RASSF4: variants seen among roughly 807,000 people sequenced by gnomAD.
RASSF4 encodes the protein Ras association domain family member 4.
RASSF4 carries 38 observed loss-of-function variants against 41.1 expected under a neutral mutation model. That is an observed-to-expected ratio of 0.92 (90% CI 0.71 to 1.21). The LOEUF is 1.21. RASSF4 is among the 50% of genes most tolerant of loss of function. The probability of loss-of-function intolerance (pLI) is 0.00; values close to 1 mark genes in which losing one functional copy is unlikely to be tolerated. For missense variants in RASSF4, 414 were observed against 419.4 expected, an observed-to-expected ratio of 0.99 and a Z score of 0.11; for synonymous variants, 179 against 163.4, an observed-to-expected ratio of 1.10 and a Z score of -0.73.
chr10:44,979,736 AG>A (rs773523373), intron 3 of RASSF4, among the ~76,000 whole-genome samples: 2 of 151,966 alleles, frequency 1.3e-5, no homozygotes, highest in African/African-American at 4.8e-5. Flanking sequence ...CCCATGTAGG[AG>A]GGGGTCAGTG....
intron 1 of RASSF4, among the ~76,000 whole-genome samples, chr10:44,964,874 T>G (rs1840843881): frequency 6.6e-6 from 1 of 152,024 alleles, no homozygotes; most frequent in Admixed American, 6.5e-5. Context: ...AACGATTAAA[T>G]TCATCAAAAT....
intron 1 of RASSF4, among the ~76,000 whole-genome samples, chr10:44,968,788 T>C (rs1841010842): frequency 6.6e-6 from 1 of 152,118 alleles, no homozygotes; most frequent in Admixed American, 6.5e-5. Context: ...GAAGACATGA[T>C]GGGTTTGTGT....
chr10:44,965,820 G>A (rs1293378798), intron 1 of RASSF4, among the ~76,000 whole-genome samples: 1 of 152,190 alleles, frequency 6.6e-6, no homozygotes, highest in Non-Finnish European at 1.5e-5. Flanking sequence ...TGCAGCCTAG[G>A]ACTCTCCTTT....
rs1179692953 is a variant in RASSF4 at position 44,982,503 on chromosome 10, A to G, written c.139-18A>G. 1 of 1,609,296 alleles carries G rather than the reference A, an allele frequency of 6.2e-7. No individual in the cohort carries two copies. Among genetic ancestry groups the G allele is most frequent in the South Asian group, 1.1e-5 (1 of 90,634 alleles). ...GGCAGCTGCTCTGGGGGAAGGGCTG[A>G]TGTGTGGACCCCCACAGGAAGAAGG... On this transcript the variant is annotated intron_variant, in intron 3 of 10. Coordinates refer to ENST00000340258, the MANE Select transcript of RASSF4 (RefSeq NM_032023.4).
chr10:44,977,948 C>G (rs1278815512), intron 3 of RASSF4: 2 of 1,611,854 alleles, frequency 1.2e-6, no homozygotes, highest in Non-Finnish European at 8.5e-7. Flanking sequence ...GGGCTCCTGT[C>G]CAGGACCCCC....
In RASSF4 at chr10:44,969,206, A is replaced by T. The variant is rs187678015; in HGVS notation, c.-38-959A>T. Among the ~76,000 whole-genome samples, 19 of 152,144 alleles carry T rather than the reference A, an allele frequency of 1.2e-4. No individual in the cohort carries two copies. In the East Asian group the frequency reaches 3.3e-3, roughly 26 times the overall value. On this transcript the variant is annotated intron_variant, in intron 1 of 10. Coordinates refer to ENST00000340258, the MANE Select transcript of RASSF4 (RefSeq NM_032023.4). ...GATAAGAGTCCTTGGCCACATTGAC[A>T]TGGGGGAGAGAGAGGAACAGGAAGC...
intron 3 of RASSF4, among the ~76,000 whole-genome samples, chr10:44,973,307 T>C (rs1435571431): frequency 2.0e-5 from 3 of 151,542 alleles, no homozygotes; most frequent in Non-Finnish European, 2.9e-5. Flanking sequence ...CTGGAGAGAG[T>C]TGGGGTGAGT....
At chr10:44,975,869 C>G (rs920600195) in intron 3 of RASSF4, among the ~76,000 whole-genome samples, 1 of 151,944 alleles carries the variant, frequency 6.6e-6, no homozygotes, top group Admixed American at 6.6e-5. Flanking sequence ...GGCTTCTGAG[C>G]ATAGGGGAGT....
At chr10:44,963,218 T>A (rs78416009) in intron 1 of RASSF4, among the ~76,000 whole-genome samples, 3,584 of 150,040 alleles carry the variant, frequency 0.024, 119 homozygotes, top group East Asian at 0.079. Context: ...ATGGCGGGAG[T>A]GGAGAGGAGG....
intron 5 of RASSF4, 38 bp from the exon 6 acceptor site, chr10:44,984,775 C>T (rs1290357668): frequency 2.5e-6 from 4 of 1,607,548 alleles, no homozygotes; most frequent in Non-Finnish European, 3.4e-6. Context: ...CTGTCAGCAT[C>T]ACCCACCCTG....
At chr10:44,973,211 C>T (rs1199681500) in intron 3 of RASSF4, among the ~76,000 whole-genome samples, 1 of 152,232 alleles carries the variant, frequency 6.6e-6, no homozygotes, top group African/African-American at 2.4e-5. Context: ...TCTCACCCTG[C>T]CTGCCCCCAT....
chr10:44,978,322 G>T lies in RASSF4; in HGVS notation c.139-4199G>T, dbSNP rs1841542690. Reference sequence around the variant, plus strand: ...CCTAACAAACACTGGTCAGAGGAAGGCTGGGTTTAAAACCAGGATCGGCCA... The same window carrying T: ...CCTAACAAACACTGGTCAGAGGAAGTCTGGGTTTAAAACCAGGATCGGCCA... On this transcript the variant is annotated intron_variant, in intron 3 of 10. Transcript: ENST00000340258. The T allele has an allele frequency of 3.6e-5, 13 of 365,780 alleles. No homozygotes were observed. In the South Asian group the frequency reaches 5.2e-4, roughly 15 times the overall value. The allele number at this position is 365,780 out of a possible 1,614,324, so 22.7% of individuals were successfully genotyped here. A position where few individuals can be genotyped will look rare whatever the true frequency, so the allele number is the denominator to read the frequency against.
At chr10:44,989,227 T>C (rs1385295498) in intron 6 of RASSF4, 47 bp from the exon 7 acceptor site, 1 of 1,234,004 alleles carries the variant, frequency 8.1e-7, no homozygotes, top group African/African-American at 1.5e-5. Context: ...TGTCAGTCCC[T>C]TGTCCCCTCT....
At chr10:44,989,641 G>A in intron 7 of RASSF4, 29 bp from the exon 8 acceptor site, 1 of 1,611,926 alleles carries the variant, frequency 6.2e-7, no homozygotes, top group Non-Finnish European at 8.5e-7. Context: ...CAAGCACCGT[G>A]ATCTGACTTC....
At chr10:44,978,966 T>A (rs1428364943) in intron 3 of RASSF4, among the ~76,000 whole-genome samples, 1 of 152,168 alleles carries the variant, frequency 6.6e-6, no homozygotes, top group East Asian at 1.9e-4. Flanking sequence ...TTTTTCTGCC[T>A]GTAGGAGGCT....
At chr10:44,991,115 T>C in intron 9 of RASSF4, 46 bp downstream of exon 9, 1 of 1,563,212 alleles carries the variant, frequency 6.4e-7, no homozygotes, top group African/African-American at 1.4e-5. Context: ...GGGTGAGGGG[T>C]TCTTGGGTGA....
At position 44,989,381 on chromosome 10, in the gene RASSF4, C is replaced by G; in HGVS notation, c.633+6C>G. On this transcript the variant is annotated splice_donor_region_variant and intron_variant, in intron 7 of 10. Transcript: ENST00000340258. Reference sequence around the variant, plus strand: ...TGCTGCTGAACAAATTTAGGGTAAGCCTGGTCAGGAGCAGCCTTGCCCCAG... The same window carrying G: ...TGCTGCTGAACAAATTTAGGGTAAGGCTGGTCAGGAGCAGCCTTGCCCCAG... 1 of 1,595,956 alleles carries G rather than the reference C, an allele frequency of 6.3e-7. No individual in the cohort carries two copies. The highest frequency in any genetic ancestry group is 8.6e-7 in the Non-Finnish European group (1 of 1,164,056).
intron 3 of RASSF4, among the ~76,000 whole-genome samples, chr10:44,979,755 G>A (rs1841625732): frequency 6.6e-6 from 1 of 152,116 alleles, no homozygotes; most frequent in South Asian, 2.1e-4. Flanking sequence ...GTGGACCTTG[G>A]GGTGGATGCT....
intron 6 of RASSF4, among the ~76,000 whole-genome samples, chr10:44,986,315 T>C (rs927507062): frequency 6.6e-6 from 1 of 152,206 alleles, no homozygotes; most frequent in African/African-American, 2.4e-5. Context: ...TTAAACCTTA[T>C]TGTAGTGATT....
Sources: gnomAD v4.1 joint callset for allele counts (sites outside exome capture counted in the v4.1 genomes callset) on GRCh38, gnomAD v4.1.1 for gene constraint, MANE v1.5 for transcripts, NCBI Gene and HGNC (gene_info 2026-07-23, HGNC 2026-07-21) for gene names.